ABCC4: variants seen among roughly 807,000 people sequenced by gnomAD.
ABCC4 encodes the protein ATP binding cassette subfamily C member 4 (PEL blood group).
ABCC4 carries 102 observed loss-of-function variants against 168.5 expected under a neutral mutation model. The observed-to-expected ratio is 0.61, with a 90% CI of 0.52 to 0.71. The LOEUF (loss-of-function observed/expected upper bound fraction) is 0.71, where lower values mean the gene tolerates loss of function less well. Among genes scored for constraint, ABCC4 ranks in the 30% least tolerant of loss-of-function variants. The probability of loss-of-function intolerance (pLI) is 0.00; values close to 1 mark genes in which losing one functional copy is unlikely to be tolerated. For missense variants in ABCC4, 1,402 were observed against 1,605.8 expected (o/e 0.87, Z 2.17); for synonymous variants, 617 against 590.7 (o/e 1.04, Z -0.65).
chr13:95,164,024 G>A (rs1386269267), intron 16 of ABCC4, among the ~76,000 whole-genome samples: 1 of 114,208 alleles, frequency 8.8e-6, no homozygotes, highest in Non-Finnish European at 1.7e-5. Context: ...CTGGGCAACA[G>A]AGCAAAACTC....
At chr13:95,076,957 TC>T (rs1197907634) in intron 21 of ABCC4, among the ~76,000 whole-genome samples, 4 of 152,114 alleles carry the variant, frequency 2.6e-5, no homozygotes, top group African/African-American at 9.7e-5. Context: ...ATGAGGGTCC[TC>T]CTCCTGCCTT....
intron 5 of ABCC4, among the ~76,000 whole-genome samples, chr13:95,210,254 G>A (rs1037628633): frequency 6.6e-6 from 1 of 152,204 alleles, no homozygotes; most frequent in East Asian, 1.9e-4. Flanking sequence ...AAGGTAGCGA[G>A]AATCGCTTGA....
chr13:95,225,151 TCTCACACACACACACACA>T (rs202084320), intron 4 of ABCC4, among the ~76,000 whole-genome samples: 9,570 of 30,606 alleles, frequency 0.31, 379 homozygotes, highest in Non-Finnish European at 0.39. Context: ...TCTCTCTCTC[TCTCACACACACACACACA>T]CACACACACA....
At chr13:95,213,857 T>C (rs1028442746) in intron 4 of ABCC4, among the ~76,000 whole-genome samples, 1 of 152,092 alleles carries the variant, frequency 6.6e-6, no homozygotes, top group African/African-American at 2.4e-5. Context: ...AGACTCCCTA[T>C]AGTATATCGA....
chr13:95,209,689 G>GC, intron 5 of ABCC4, 92 bp from the exon 6 acceptor site: 1 of 1,254,898 alleles, frequency 8.0e-7, no homozygotes. Flanking sequence ...AAAAGAACAG[G>GC]CAAGATCCTA....
At chr13:95,274,690 G>A (rs1463116579) in intron 1 of ABCC4, among the ~76,000 whole-genome samples, 5 of 152,066 alleles carry the variant, frequency 3.3e-5, no homozygotes, top group East Asian at 1.9e-4. Flanking sequence ...CATGCTTCCC[G>A]TCTCTAAGAC....
chr13:95,062,054 C>T (rs756971419), intron 26 of ABCC4, among the ~76,000 whole-genome samples: 2 of 152,140 alleles, frequency 1.3e-5, no homozygotes, highest in Non-Finnish European at 2.9e-5. Flanking sequence ...ACCATCAGAG[C>T]AAACACTCAC....
At chr13:95,075,724 G>C in intron 21 of ABCC4, 173 bp from the exon 22 acceptor site, 1 of 746,302 alleles carries the variant, frequency 1.3e-6, no homozygotes, top group South Asian at 2.1e-5. Context: ...CCTGCCACTG[G>C]AATCTCAAGC....
chr13:95,090,273 T>C (rs2034388718), intron 20 of ABCC4, among the ~76,000 whole-genome samples: 1 of 152,206 alleles, frequency 6.6e-6, no homozygotes, highest in Non-Finnish European at 1.5e-5. Flanking sequence ...CCACAGCTAA[T>C]GCTCTCTGCA....
intron 20 of ABCC4, among the ~76,000 whole-genome samples, chr13:95,098,134 T>TA (rs66704412): frequency 0.026 from 2,972 of 114,044 alleles, 148 homozygotes; most frequent in African/African-American, 0.089. Flanking sequence ...AGATACTGTC[T>TA]AAAAAAAAAA....
At chr13:95,126,758 A>C (rs2035786801) in intron 19 of ABCC4, among the ~76,000 whole-genome samples, 1 of 43,128 alleles carries the variant, frequency 2.3e-5, no homozygotes, top group Admixed American at 3.2e-4. Context: ...TATATATTCC[A>C]AAATATATAT....
At chr13:95,096,567 G>A (rs2034605358) in intron 20 of ABCC4, among the ~76,000 whole-genome samples, 1 of 152,008 alleles carries the variant, frequency 6.6e-6, no homozygotes, top group Admixed American at 6.6e-5. Flanking sequence ...CAGCCATGAA[G>A]AGTCATAATG....
chr13:95,299,085 T>C (rs11843664), intron 1 of ABCC4, among the ~76,000 whole-genome samples: 74,654 of 151,224 alleles, frequency 0.49, 21,031 homozygotes, highest in East Asian at 0.62. Context: ...GAGAGCCCTA[T>C]CTCTACAAAA....
chr13:95,080,651 T>C (rs1361482485), intron 21 of ABCC4, among the ~76,000 whole-genome samples: 1 of 152,226 alleles, frequency 6.6e-6, no homozygotes, highest in African/African-American at 2.4e-5. Flanking sequence ...TTTTGTATTT[T>C]TAGCAGAGAT....
At chr13:95,024,651 C>G (rs1010365844) in intron 30 of ABCC4, among the ~76,000 whole-genome samples, 1 of 152,108 alleles carries the variant, frequency 6.6e-6, no homozygotes, top group Non-Finnish European at 1.5e-5. Context: ...GTGTATGGCC[C>G]TAATTCAATC....
intron 11 of ABCC4, 119 bp from the exon 12 acceptor site, chr13:95,178,210 T>C: frequency 2.4e-6 from 2 of 848,222 alleles, no homozygotes; most frequent in Non-Finnish European, 3.8e-6. Flanking sequence ...GAAATTTACA[T>C]GTATTTGATC....
intron 11 of ABCC4, among the ~76,000 whole-genome samples, chr13:95,183,446 T>C (rs756437721): frequency 2.0e-5 from 3 of 152,152 alleles, no homozygotes; most frequent in African/African-American, 7.2e-5. Flanking sequence ...AGTCGGCAAA[T>C]GATCTCATAA....
intron 25 of ABCC4, 103 bp downstream of exon 25, chr13:95,071,559 C>G: frequency 9.9e-7 from 1 of 1,007,826 alleles, no homozygotes; most frequent in Non-Finnish European, 1.4e-6. Context: ...ACAGGTTAAC[C>G]TACGTATCAC....
chr13:95,025,213 C>A (rs1267024082), intron 30 of ABCC4, among the ~76,000 whole-genome samples: 3 of 55,716 alleles, frequency 5.4e-5, no homozygotes, highest in South Asian at 8.7e-4. Flanking sequence ...CCCACACCCC[C>A]CACACACCCC....
Sources: gnomAD v4.1 joint callset for allele counts (sites outside exome capture counted in the v4.1 genomes callset) on GRCh38, gnomAD v4.1.1 for gene constraint, MANE v1.5 for transcripts, NCBI Gene and HGNC (gene_info 2026-07-23, HGNC 2026-07-21) for gene names.